Variants in ADGRB3 observed in about 807,000 individuals in gnomAD.
The protein encoded by ADGRB3 is brain-specific angiogenesis inhibitor 3.
In ADGRB3, 37 loss-of-function variants were observed where a neutral mutation model predicts 193.4. The ratio of observed to expected loss-of-function variants is 0.19; its 90% CI spans 0.15 to 0.25. The LOEUF (loss-of-function observed/expected upper bound fraction) is 0.25. ADGRB3 is among the 10% of genes least tolerant of loss of function. The pLI, the probability that ADGRB3 is intolerant of heterozygous loss-of-function variation, is 1.00. For missense variants in ADGRB3, 1,637 were observed against 1,852.9 expected (o/e 0.88, Z 2.14); for synonymous variants, 690 against 644.2 (o/e 1.07, Z -1.08).
At chr6:69,347,953 C>A (rs187932777) in intron 26 of ADGRB3, among the ~76,000 whole-genome samples, 1 of 152,274 alleles carries the variant, frequency 6.6e-6, no homozygotes, top group East Asian at 1.9e-4. Flanking sequence ...TTCTTATATA[C>A]CTTTCCAAGA....
At chr6:69,147,117 G>A (rs2128291) in intron 17 of ADGRB3, among the ~76,000 whole-genome samples, 97,018 of 151,652 alleles carry the variant, frequency 0.64, 32,213 homozygotes, top group East Asian at 0.95. Flanking sequence ...TATCTTTTGT[G>A]TTGTTTTCTT....
At chr6:69,107,135 C>T (rs1368974300) in intron 17 of ADGRB3, among the ~76,000 whole-genome samples, 1 of 152,132 alleles carries the variant, frequency 6.6e-6, no homozygotes, top group Non-Finnish European at 1.5e-5. Flanking sequence ...AAAACAATAG[C>T]CACTATGACT....
Position 68,968,653 on chromosome 6 carries a change from ACAGT to A in ADGRB3, c.1526-6106_1526-6103del, listed in dbSNP as rs80115312. ...GGAGCAAAAAGAATAATCAAATATGACAGTCAGATTAGATTAACTATTGCCATGT... is the reference window on the plus strand; with the variant it reads ...GGAGCAAAAAGAATAATCAAATATGACAGATTAGATTAACTATTGCCATGT... On this transcript the variant is annotated intron_variant, in intron 8 of 31. Transcript: ENST00000370598. 2.6e-3 allele frequency among the ~76,000 whole-genome samples: 391 copies of A among 152,304 alleles called. 2 individuals are homozygous for A. Among genetic ancestry groups the A allele is most frequent in the Non-Finnish European group, 3.9e-3 (262 of 68,020 alleles).
chr6:68,842,678 A>G (rs887864384), intron 3 of ADGRB3, among the ~76,000 whole-genome samples: 9 of 152,158 alleles, frequency 5.9e-5, no homozygotes, highest in Admixed American at 5.9e-4. Flanking sequence ...TGATGCCAGT[A>G]TTACCCTGAT....
At chr6:69,263,037 T>G (rs1468907498) in intron 20 of ADGRB3, among the ~76,000 whole-genome samples, 1 of 152,006 alleles carries the variant, frequency 6.6e-6, no homozygotes, top group Non-Finnish European at 1.5e-5. Flanking sequence ...ATCTGACTCT[T>G]TATTGAAAAG....
intron 26 of ADGRB3, among the ~76,000 whole-genome samples, chr6:69,346,488 A>C (rs530533356): frequency 2.6e-5 from 4 of 152,218 alleles, no homozygotes; most frequent in African/African-American, 9.6e-5. Context: ...AGAATCTACA[A>C]GGAACTTAAA....
In ADGRB3 at chr6:69,366,134, T is replaced by C. The variant is rs1028366378; in HGVS notation, c.4239+4622T>C. On this transcript the variant is annotated intron_variant, in intron 29 of 31. Transcript: ENST00000370598. ...TTCTTTTTTACATTTTTTTCTCTTT[T>C]ACATTTTTTTTCTCATGTAAGTCTG... 2.0e-5 allele frequency among the ~76,000 whole-genome samples: 3 copies of C among 152,128 alleles called. No homozygotes were observed. The South Asian group carries it at 6.2e-4, about 32-fold the overall frequency.
intron 3 of ADGRB3, among the ~76,000 whole-genome samples, chr6:68,831,037 A>G (rs932575258): frequency 2.0e-5 from 3 of 152,084 alleles, no homozygotes; most frequent in African/African-American, 7.2e-5. Context: ...TAATAACATT[A>G]TAGAAGGTGA....
At chr6:69,257,858 G>T (rs1490350661) in intron 20 of ADGRB3, among the ~76,000 whole-genome samples, 2 of 152,190 alleles carry the variant, frequency 1.3e-5, no homozygotes, top group African/African-American at 4.8e-5. Flanking sequence ...GGGAAAACTA[G>T]ATTCTTCAGG....
At chr6:68,677,521 C>CTTTTT (rs1002070733) in intron 3 of ADGRB3, among the ~76,000 whole-genome samples, 5 of 120,336 alleles carry the variant, frequency 4.2e-5, no homozygotes, top group Admixed American at 9.2e-5. Context: ...TTCTTTTTTT[C>CTTTTT]TTTTTTTTTT....
At chr6:68,907,005 T>C (rs779501287) in intron 3 of ADGRB3, among the ~76,000 whole-genome samples, 9 of 151,958 alleles carry the variant, frequency 5.9e-5, no homozygotes, top group Non-Finnish European at 8.8e-5. Context: ...AGTTTATTCA[T>C]CTTTCTAAAC....
intron 11 of ADGRB3, among the ~76,000 whole-genome samples, chr6:69,008,040 T>A (rs1046608110): frequency 6.6e-6 from 1 of 152,084 alleles, no homozygotes; most frequent in African/African-American, 2.4e-5. Flanking sequence ...AGGAAGCTTC[T>A]TTTATAAGGG....
At chr6:69,014,163 G>A (rs1770022720) in intron 12 of ADGRB3, 57 bp downstream of exon 12, 2 of 1,245,332 alleles carry the variant, frequency 1.6e-6, no homozygotes, top group South Asian at 1.4e-5. Context: ...TAAAAAATAT[G>A]TGACTAAATT....
chr6:69,056,448 T>C (rs1771547819), intron 15 of ADGRB3, among the ~76,000 whole-genome samples: 1 of 152,326 alleles, frequency 6.6e-6, no homozygotes, highest in Admixed American at 6.5e-5. Flanking sequence ...CACTGTTTTC[T>C]TTCCTGCACA....
At chr6:69,002,596 T>G (rs976806412) in intron 11 of ADGRB3, among the ~76,000 whole-genome samples, 2 of 152,162 alleles carry the variant, frequency 1.3e-5, no homozygotes, top group Admixed American at 6.5e-5. Context: ...TATCAATAGA[T>G]TAAGTCACTT....
intron 17 of ADGRB3, among the ~76,000 whole-genome samples, chr6:69,149,505 A>G (rs1353768421): frequency 6.6e-6 from 1 of 152,008 alleles, no homozygotes; most frequent in African/African-American, 2.4e-5. Context: ...ATCTGACTGA[A>G]AGGTCCCGTA....
rs145566642 is a variant in ADGRB3, at chr6:69,245,143, CA to C, written c.2814+5918del. 6.2e-3 allele frequency among the ~76,000 whole-genome samples: 949 copies of C among 152,154 alleles called. 10 individuals carry two copies. Among genetic ancestry groups the C allele is most frequent in the African/African-American group, 0.021 (869 of 41,530 alleles). On this transcript the variant is annotated intron_variant, in intron 20 of 31. Transcript: ENST00000370598. ...CGCTCATGGAGTAAATCTAATAAAT[CA>C]TCCACCTATGACAATTTAACCCTCA...
intron 3 of ADGRB3, among the ~76,000 whole-genome samples, chr6:68,682,934 C>T (rs756598166): frequency 3.3e-5 from 5 of 151,940 alleles, no homozygotes; most frequent in South Asian, 2.1e-4. Flanking sequence ...CCTACCACCA[C>T]GCCTGACTAA....
At chr6:69,308,758 A>T (rs779461702) in intron 20 of ADGRB3, among the ~76,000 whole-genome samples, 10 of 151,642 alleles carry the variant, frequency 6.6e-5, no homozygotes, top group Admixed American at 2.6e-4. Context: ...TTTCTGCCAT[A>T]CTAAATTTTC....
Sources: gnomAD v4.1 joint callset for allele counts (sites outside exome capture counted in the v4.1 genomes callset) on GRCh38, gnomAD v4.1.1 for gene constraint, MANE v1.5 for transcripts, NCBI Gene and HGNC (gene_info 2026-07-23, HGNC 2026-07-21) for gene names.